Variants in FSTL4 observed in about 807,000 individuals in gnomAD.
FSTL4 encodes follistatin-related protein 4.
In FSTL4, 28 loss-of-function variants were observed where a neutral mutation model predicts 78.2. That is an observed-to-expected ratio of 0.36 (90% confidence interval 0.27 to 0.49). The LOEUF (loss-of-function observed/expected upper bound fraction) is 0.49. Among genes scored for constraint, FSTL4 ranks in the 20% least tolerant of loss-of-function variants. FSTL4 has a pLI of 0.98. For missense variants in FSTL4, 922 were observed against 1,084.9 expected (o/e 0.85, Z 2.11); for synonymous variants, 422 against 440.5 (o/e 0.96, Z 0.53).
chr5:133,225,701 G>A lies in FSTL4; in HGVS notation c.1134C>T (p.Gly378=), dbSNP rs188952965. 36 of 1,611,230 alleles carry A rather than the reference G, an allele frequency of 2.2e-5. No individual in the cohort carries two copies. The highest frequency in any genetic ancestry group is 2.0e-4 in the South Asian group (18 of 90,566). Reference sequence around the variant, plus strand: ...TGGACATCTGAGTTGAGACATCCACGCCGTTTTTCAGCCAAGTGATTCTGG... The same window carrying A: ...TGGACATCTGAGTTGAGACATCCACACCGTTTTTCAGCCAAGTGATTCTGG... ...PMPRITWLKN[G]VDVSTQMSKQ... The change falls in exon 9 of 16, where the codon GGC becomes GGT. Residue 378 remains glycine, a synonymous_variant. Transcript: ENST00000265342. This position sits in a 1 kb window ranked among gnomAD's most constrained non-coding sequence, Gnocchi z 4.6.
intron 12 of FSTL4, among the ~76,000 whole-genome samples, chr5:133,218,738 T>C (rs10077443): frequency 0.087 from 13,278 of 152,176 alleles, 1,601 homozygotes; most frequent in African/African-American, 0.27. Flanking sequence ...ATCACCTTAT[T>C]GGGAGGTCTT....
intron 3 of FSTL4, among the ~76,000 whole-genome samples, chr5:133,468,814 C>T (rs1757762044): frequency 1.3e-5 from 2 of 152,066 alleles, no homozygotes; most frequent in East Asian, 1.9e-4. Context: ...CAGCTCAGTG[C>T]GGGAAACAGA....
At chr5:133,639,811 G>A in the FSTL4 span, among the ~76,000 whole-genome samples, 1 of 152,300 alleles carries the variant, frequency 6.6e-6, no homozygotes, top group African/African-American at 2.4e-5. Context: ...GCTCGGGGTT[G>A]AGCTTGCATG....
chr5:133,702,255 C>T, the FSTL4 span, among the ~76,000 whole-genome samples: 1 of 152,202 alleles, frequency 6.6e-6, no homozygotes, highest in African/African-American at 2.4e-5. Flanking sequence ...AATCTGTCCA[C>T]CAATAGCCAA....
chr5:133,694,812 G>A, the FSTL4 span, among the ~76,000 whole-genome samples: 1 of 152,156 alleles, frequency 6.6e-6, no homozygotes, highest in East Asian at 1.9e-4. Flanking sequence ...GTTTGCAGAT[G>A]GCCATCTTCT....
intron 6 of FSTL4, among the ~76,000 whole-genome samples, chr5:133,280,286 G>A (rs1752981180): frequency 1.3e-5 from 2 of 152,156 alleles, no homozygotes; most frequent in African/African-American, 2.4e-5. Context: ...GATTTAGGTG[G>A]CAAGTGGCAG....
intron 4 of FSTL4, among the ~76,000 whole-genome samples, chr5:133,394,222 C>T (rs964795344): frequency 2.6e-5 from 4 of 152,246 alleles, no homozygotes; most frequent in African/African-American, 7.2e-5. Context: ...TCACTCTTGG[C>T]GCCTCCTCAG....
intron 3 of FSTL4, among the ~76,000 whole-genome samples, chr5:133,561,382 T>C (rs1759909958): frequency 6.6e-6 from 1 of 152,024 alleles, no homozygotes; most frequent in Non-Finnish European, 1.5e-5. Context: ...ACCGAACACA[T>C]CCCTGCACAG....
At chr5:133,257,226 G>T (rs1385916770) in intron 6 of FSTL4, among the ~76,000 whole-genome samples, 1 of 152,194 alleles carries the variant, frequency 6.6e-6, no homozygotes, top group Non-Finnish European at 1.5e-5. Flanking sequence ...GGAGCTCATG[G>T]CTTAGCAGAG....
the FSTL4 span, among the ~76,000 whole-genome samples, chr5:133,785,095 C>T: frequency 2.0e-5 from 3 of 152,196 alleles, no homozygotes; most frequent in African/African-American, 7.2e-5. Context: ...CGACAGGGCA[C>T]ACCCAACACC....
chr5:133,552,294 A>G (rs1263891663), intron 3 of FSTL4, among the ~76,000 whole-genome samples: 1 of 152,206 alleles, frequency 6.6e-6, no homozygotes, highest in African/African-American at 2.4e-5. Context: ...GTCTTCTGGA[A>G]TTTCTACTTG....
At chr5:133,252,519 C>T (rs1379598125) in intron 6 of FSTL4, among the ~76,000 whole-genome samples, 1 of 152,148 alleles carries the variant, frequency 6.6e-6, no homozygotes, top group African/African-American at 2.4e-5. Flanking sequence ...CAGATTTTAA[C>T]AAGCATCCCA....
the FSTL4 span, among the ~76,000 whole-genome samples, chr5:133,779,823 G>C: frequency 6.6e-6 from 1 of 152,148 alleles, no homozygotes; most frequent in East Asian, 1.9e-4. Flanking sequence ...TCCTGACTCA[G>C]GGTCTGTCCC....
At chr5:133,832,418 G>A in the FSTL4 span, among the ~76,000 whole-genome samples, 1 of 152,142 alleles carries the variant, frequency 6.6e-6, no homozygotes, top group Non-Finnish European at 1.5e-5. Flanking sequence ...GCAGTTATGA[G>A]AATAACCACA....
intron 3 of FSTL4, among the ~76,000 whole-genome samples, chr5:133,531,195 T>C (rs1305389237): frequency 6.6e-6 from 1 of 152,158 alleles, no homozygotes; most frequent in East Asian, 1.9e-4. Flanking sequence ...TCCATCGAAA[T>C]CTTAGCAACC....
intron 3 of FSTL4, among the ~76,000 whole-genome samples, chr5:133,409,867 C>T (rs867241980): frequency 2.6e-5 from 4 of 151,912 alleles, no homozygotes; most frequent in Non-Finnish European, 5.9e-5. Flanking sequence ...GGGAGAATAG[C>T]GACCTGGGAT....
the FSTL4 span, among the ~76,000 whole-genome samples, chr5:133,788,186 G>A: frequency 3.3e-5 from 5 of 152,204 alleles, no homozygotes; most frequent in Non-Finnish European, 7.3e-5. Flanking sequence ...GGGGACGTGA[G>A]ATGGGGAGAT....
chr5:133,779,837 T>C, the FSTL4 span, among the ~76,000 whole-genome samples: 2 of 152,142 alleles, frequency 1.3e-5, no homozygotes, highest in Non-Finnish European at 2.9e-5. Context: ...CTGTCCCAGG[T>C]TTCCCAGAAG....
chr5:133,696,719 A>G, the FSTL4 span, among the ~76,000 whole-genome samples: 1 of 152,244 alleles, frequency 6.6e-6, no homozygotes, highest in Non-Finnish European at 1.5e-5. Context: ...TTAGGCAAGA[A>G]GGGCTGTGGG....
Sources: gnomAD v4.1 joint callset for allele counts (sites outside exome capture counted in the v4.1 genomes callset) on GRCh38, gnomAD v4.1.1 for gene constraint, Gnocchi (gnomAD v3.1) non-coding constraint, MANE v1.5 for transcripts, NCBI Gene and HGNC (gene_info 2026-07-23, HGNC 2026-07-21) for gene names.